TBC1D5: variants seen among roughly 807,000 people sequenced by gnomAD.
TBC1D5 encodes TBC1 domain family, member 5.
In TBC1D5, 75 loss-of-function variants were observed where a neutral mutation model predicts 100.3. The ratio of observed to expected loss-of-function variants is 0.75; its 90% CI spans 0.62 to 0.91. The LOEUF (loss-of-function observed/expected upper bound fraction) is 0.91. Ranked by LOEUF, TBC1D5 falls within the 40% of genes least tolerant of loss-of-function variation. The pLI is 0.00. For missense variants in TBC1D5, 910 were observed against 942.4 expected (o/e 0.97, Z 0.45); for synonymous variants, 323 against 325.6 (o/e 0.99, Z 0.09).
rs930580363 is a variant in TBC1D5 at position 17,316,887 on chromosome 3, T to G, written c.996-8753A>C. Among the ~76,000 whole-genome samples the G allele has an allele frequency of 2.0e-5, 3 of 152,202 alleles. No homozygotes were observed. In the South Asian group the frequency reaches 6.2e-4, roughly 32 times the overall value. On this transcript the variant is annotated intron_variant, in intron 13 of 21. Coordinates refer to ENST00000253692, the Ensembl canonical transcript of TBC1D5. Reference sequence around the variant, plus strand: ...TGATCATAAGACTGGTATGAAAAACTGAGAATCTTCATTTAACAAGTATTT... The same window carrying G: ...TGATCATAAGACTGGTATGAAAAACGGAGAATCTTCATTTAACAAGTATTT...
At chr3:17,591,251 A>AAAAAC (rs2096768031) in intron 2 of TBC1D5, among the ~76,000 whole-genome samples, 2 of 139,992 alleles carry the variant, frequency 1.4e-5, no homozygotes, top group Non-Finnish European at 3.1e-5. Flanking sequence ...AAAAAAAAAA[A>AAAAAC]AAAAAAAAAA....
At chr3:17,524,862 C>T (rs149923426) in intron 2 of TBC1D5, among the ~76,000 whole-genome samples, 3 of 150,776 alleles carry the variant, frequency 2.0e-5, no homozygotes, top group African/African-American at 7.3e-5. Flanking sequence ...AACTCCATCT[C>T]AATAAACAAA....
intron 17 of TBC1D5, among the ~76,000 whole-genome samples, chr3:17,236,755 C>T (rs1368696846): frequency 3.9e-5 from 6 of 152,150 alleles, no homozygotes; most frequent in Non-Finnish European, 7.3e-5. Context: ...GCTGGGATTA[C>T]ATGCGTGAAC....
intron 3 of TBC1D5, among the ~76,000 whole-genome samples, chr3:17,503,578 C>G (rs1349478010): frequency 6.7e-6 from 1 of 149,500 alleles, no homozygotes; most frequent in African/African-American, 2.5e-5. Context: ...TTAAGAAAAG[C>G]TGCTACTCCG....
chr3:17,575,654 G>A (rs971004824), intron 2 of TBC1D5, among the ~76,000 whole-genome samples: 5 of 152,180 alleles, frequency 3.3e-5, no homozygotes, highest in Admixed American at 3.3e-4. Context: ...ATGATGGGGA[G>A]GATTCGTTCT....
At chr3:17,247,013 GT>G (rs201431682) in intron 16 of TBC1D5, among the ~76,000 whole-genome samples, 1 of 151,844 alleles carries the variant, frequency 6.6e-6, no homozygotes, top group Admixed American at 6.6e-5. Context: ...GTAAACACCT[GT>G]TTTTTTTCAC....
At chr3:17,282,495 T>C (rs1442683177) in intron 15 of TBC1D5, among the ~76,000 whole-genome samples, 1 of 152,228 alleles carries the variant, frequency 6.6e-6, no homozygotes, top group East Asian at 1.9e-4. Flanking sequence ...GAGAACAAGT[T>C]AACCCATGGA....
At chr3:17,738,344 C>T (rs1292567136) in intron 1 of TBC1D5, among the ~76,000 whole-genome samples, 4 of 152,004 alleles carry the variant, frequency 2.6e-5, no homozygotes, top group African/African-American at 4.8e-5. Context: ...CTATCACTTA[C>T]GTGATAGCAT....
At chr3:17,710,855 G>A (rs1412168264) in intron 1 of TBC1D5, among the ~76,000 whole-genome samples, 3 of 151,706 alleles carry the variant, frequency 2.0e-5, no homozygotes, top group Non-Finnish European at 2.9e-5. Context: ...GCGTCACCAC[G>A]CCCAGCTAAT....
intron 16 of TBC1D5, 76 bp downstream of exon 16, chr3:17,258,430 C>CA (rs2077941526): frequency 7.3e-7 from 1 of 1,376,330 alleles, no homozygotes; most frequent in East Asian, 2.3e-5. Flanking sequence ...TTGTTTTCAG[C>CA]AATATGTAAA....
At chr3:17,696,182 TA>T (rs1409177080) in intron 1 of TBC1D5, among the ~76,000 whole-genome samples, 4 of 150,706 alleles carry the variant, frequency 2.7e-5, no homozygotes, top group Non-Finnish European at 5.9e-5. Context: ...ACATCACAAT[TA>T]AAAGAAATAG....
At chr3:17,651,593 C>T (rs531550933) in intron 1 of TBC1D5, among the ~76,000 whole-genome samples, 19 of 152,104 alleles carry the variant, frequency 1.2e-4, no homozygotes, top group Non-Finnish European at 2.6e-4. Context: ...ATCCCAGCTA[C>T]TCAGGAGGCT....
In TBC1D5 at chr3:17,620,559, T is replaced by A. The variant is rs538119069; in HGVS notation, c.-36+3290A>T. On this transcript the variant is annotated intron_variant, in intron 2 of 21. Transcript: ENST00000253692. Reference sequence around the variant, plus strand: ...AAAAAGTGAACTGCAAAAGAACATATATGCTACTTTTTAGGTAAAAACAAG... The same window carrying A: ...AAAAAGTGAACTGCAAAAGAACATAAATGCTACTTTTTAGGTAAAAACAAG... Among the ~76,000 whole-genome samples, 7 of 152,254 alleles carry A rather than the reference T, an allele frequency of 4.6e-5. No homozygotes were observed. In the East Asian group the frequency reaches 9.6e-4, roughly 21 times the overall value.
At chr3:17,188,548 T>C (rs1237751156) in intron 18 of TBC1D5, among the ~76,000 whole-genome samples, 4 of 152,238 alleles carry the variant, frequency 2.6e-5, no homozygotes, top group Admixed American at 2.6e-4. Flanking sequence ...TCCAGTGTAT[T>C]ATCCTTCTAG....
At chr3:17,308,032 A>G (rs1245262465) in exon 14 of TBC1D5, 1 of 1,608,790 alleles carries the variant, frequency 6.2e-7, no homozygotes, top group African/African-American at 1.3e-5. Context: ...CGAAGATATA[A>G]TCTACTAAAC....
intron 3 of TBC1D5, among the ~76,000 whole-genome samples, chr3:17,464,111 C>T (rs1200376596): frequency 6.6e-6 from 1 of 151,914 alleles, no homozygotes; most frequent in African/African-American, 2.4e-5. Context: ...GCCAACACAC[C>T]CCGTTAATTT....
chr3:17,530,888 A>G lies in TBC1D5; in HGVS notation c.-35-22283T>C, dbSNP rs527419707. ...CCACAGCCAATATCATACCGAATGG[A>G]CAAAAACTGGAAGCATTCCCTTTGA... On this transcript the variant is annotated intron_variant, in intron 2 of 21. Transcript: ENST00000253692. 4.6e-3 allele frequency among the ~76,000 whole-genome samples: 701 copies of G among 152,300 alleles called. 9 individuals are homozygous for G. The highest frequency in any genetic ancestry group is 0.016 in the African/African-American group (645 of 41,554).
intron 13 of TBC1D5, among the ~76,000 whole-genome samples, chr3:17,331,244 A>G (rs865792002): frequency 1.3e-5 from 2 of 151,382 alleles, no homozygotes; most frequent in African/African-American, 2.4e-5. Context: ...CCAACTCCCA[A>G]CTCCAGCCCC....
intron 3 of TBC1D5, among the ~76,000 whole-genome samples, chr3:17,451,126 A>C (rs1176096706): frequency 1.3e-5 from 2 of 152,226 alleles, no homozygotes; most frequent in African/African-American, 4.8e-5. Flanking sequence ...TCTCAAGCCA[A>C]ACTAAGCTTT....
Sources: allele counts gnomAD v4.1 joint callset (sites outside exome capture counted in the v4.1 genomes callset), GRCh38; gene constraint gnomAD v4.1.1; transcripts MANE v1.5; gene names NCBI Gene and HGNC (gene_info 2026-07-23, HGNC 2026-07-21).